The following PRKN variants were observed in gnomAD, a reference collection of about 807,000 sequenced individuals.
PRKN encodes parkin RBR E3 ubiquitin protein ligase.
In PRKN, 56 loss-of-function variants were observed where a neutral mutation model predicts 59.5. That is an observed-to-expected ratio of 0.94 (90% CI 0.76 to 1.18). The LOEUF is 1.18. PRKN is among the 50% of genes most tolerant of loss of function. The probability of loss-of-function intolerance (pLI) is 0.00; values close to 1 mark genes in which losing one functional copy is unlikely to be tolerated. For missense variants in PRKN, 657 were observed against 596.4 expected (o/e 1.10, Z -1.06); for synonymous variants, 250 against 222.1 (o/e 1.13, Z -1.12).
In PRKN at chr6:161,423,556, T is replaced by G. The variant is rs187704576; in HGVS notation, c.1084-36679A>C. On this transcript the variant is annotated intron_variant, in intron 9 of 11. Coordinates refer to ENST00000366898, the MANE Select transcript of PRKN (RefSeq NM_004562.3). This position sits in a 1 kb window ranked among gnomAD's most constrained non-coding sequence, Gnocchi z 5.9. The stretch of plus-strand genomic sequence containing the variant: ...TTAAAATTCCTTGATTTGGGGCCAA[T>G]GACAAGCAAGACATTTACAGATTTA... 1.8e-4 allele frequency among the ~76,000 whole-genome samples: 28 copies of G among 152,288 alleles called. No homozygotes were observed. In the East Asian group the frequency reaches 5.0e-3, roughly 27 times the overall value.
intron 1 of PRKN, among the ~76,000 whole-genome samples, chr6:162,503,163 G>A (rs1346045017): frequency 2.3e-5 from 1 of 42,880 alleles, no homozygotes. Flanking sequence ...TTTTTTTGTT[G>A]GCCGGGGGGT....
chr6:162,064,476 C>G (rs1051899120), intron 4 of PRKN, among the ~76,000 whole-genome samples: 1 of 152,182 alleles, frequency 6.6e-6, no homozygotes, highest in African/African-American at 2.4e-5. Flanking sequence ...AAACAATAGT[C>G]TGTGATTTCT....
At chr6:162,164,358 G>A (rs1248940919) in intron 4 of PRKN, among the ~76,000 whole-genome samples, 1 of 148,316 alleles carries the variant, frequency 6.7e-6, no homozygotes, top group Non-Finnish European at 1.5e-5. Context: ...ACAGGTCTGC[G>A]CTACCATGCC....
At chr6:162,362,992 G>A (rs757107893) in intron 2 of PRKN, among the ~76,000 whole-genome samples, 3 of 151,596 alleles carry the variant, frequency 2.0e-5, no homozygotes, top group Non-Finnish European at 4.4e-5. Flanking sequence ...GCCAGGCGTC[G>A]TGGTGGGCGC....
At chr6:162,691,466 G>T (rs1777771563) in intron 1 of PRKN, among the ~76,000 whole-genome samples, 1 of 151,948 alleles carries the variant, frequency 6.6e-6, no homozygotes, top group South Asian at 2.1e-4. Context: ...TTACCATCAA[G>T]ATTTCAAAAT....
At chr6:162,059,719 A>T (rs188724062) in intron 4 of PRKN, among the ~76,000 whole-genome samples, 23 of 152,298 alleles carry the variant, frequency 1.5e-4, no homozygotes, top group African/African-American at 5.3e-4. Context: ...TAATAGGAAA[A>T]ATTTGGCTGG....
At chr6:162,705,853 A>G (rs891842037) in intron 1 of PRKN, among the ~76,000 whole-genome samples, 3 of 152,150 alleles carry the variant, frequency 2.0e-5, no homozygotes, top group Non-Finnish European at 4.4e-5. Flanking sequence ...TAAGGTACTT[A>G]GAGGTAAACT....
chr6:162,138,324 T>A (rs1781632137), intron 4 of PRKN, among the ~76,000 whole-genome samples: 1 of 152,210 alleles, frequency 6.6e-6, no homozygotes, highest in African/African-American at 2.4e-5. Context: ...GTCATCATGG[T>A]GGGGCTAAAT....
chr6:162,208,656 T>G (rs944862007), intron 3 of PRKN, among the ~76,000 whole-genome samples: 1 of 151,994 alleles, frequency 6.6e-6, no homozygotes, highest in Non-Finnish European at 1.5e-5. Context: ...AAAGAGTAAA[T>G]GTAGTTGCTT....
intron 7 of PRKN, among the ~76,000 whole-genome samples, chr6:161,702,472 T>TATA (rs1334112379): frequency 1.3e-5 from 2 of 151,980 alleles, no homozygotes; most frequent in East Asian, 3.9e-4. Context: ...ATTCCACCTA[T>TATA]ATAAGGTCCT....
intron 7 of PRKN, among the ~76,000 whole-genome samples, chr6:161,678,660 G>T (rs1325675262): frequency 1.3e-5 from 2 of 150,002 alleles, no homozygotes; most frequent in African/African-American, 2.5e-5. Flanking sequence ...CACCTCCCGG[G>T]TTCAAGCAAT....
chr6:161,843,181 A>G (rs1344890210), intron 6 of PRKN, among the ~76,000 whole-genome samples: 1 of 152,102 alleles, frequency 6.6e-6, no homozygotes, highest in Non-Finnish European at 1.5e-5. Flanking sequence ...GAAGGCCCCA[A>G]ACCAAACTCT....
Position 161,545,596 on chromosome 6 carries a change from G to T in PRKN, c.1083+3258C>A, listed in dbSNP as rs1198475020. 6.6e-6 allele frequency among the ~76,000 whole-genome samples: 1 copy of T among 152,134 alleles called. No individual in the cohort carries two copies. The highest frequency in any genetic ancestry group is 1.5e-5 in the Non-Finnish European group (1 of 68,024). On this transcript the variant is annotated intron_variant, in intron 9 of 11. Coordinates refer to ENST00000366898, the MANE Select transcript of PRKN (RefSeq NM_004562.3). This position sits in a 1 kb window ranked among gnomAD's most constrained non-coding sequence, Gnocchi z 4.1. ...CCAGAAAAGATGGGCAGCTTACAAG[G>T]TTATACAAACCACAGCAAAACAACA...
rs1788508580 is a variant in PRKN at position 161,428,737 on chromosome 6, T to G, written c.1084-41860A>C. ...ATTCACATTTTTTTTCTTTCATTTT[T>G]CTGCCTGAGTACCTCTACCTTGGAA... On this transcript the variant is annotated intron_variant, in intron 9 of 11. Coordinates refer to ENST00000366898, the MANE Select transcript of PRKN (RefSeq NM_004562.3). The surrounding 1 kb of genome is among the most constrained non-coding windows in gnomAD (Gnocchi z 4.0). Among the ~76,000 whole-genome samples the G allele has an allele frequency of 2.0e-5, 3 of 152,232 alleles. No homozygotes were observed. Among genetic ancestry groups the G allele is most frequent in the Non-Finnish European group, 4.4e-5 (3 of 68,042 alleles).
rs997486945 is a variant in PRKN, at chr6:161,681,117, C to T, written c.871+104655G>A. On this transcript the variant is annotated intron_variant, in intron 7 of 11. Transcript: ENST00000366898. ...CTGGAATTACAGGCACCTGCCACCACGCCCAGTGAATTTTTGTATTTTGAG... is the reference window on the plus strand; with the variant it reads ...CTGGAATTACAGGCACCTGCCACCATGCCCAGTGAATTTTTGTATTTTGAG... Among the ~76,000 whole-genome samples, 6 of 151,970 alleles carry T rather than the reference C, an allele frequency of 3.9e-5. No individual in the cohort carries two copies. The South Asian group carries it at 6.2e-4, about 16-fold the overall frequency.
chr6:161,862,888 G>A (rs1253912133), intron 6 of PRKN, among the ~76,000 whole-genome samples: 2 of 152,190 alleles, frequency 1.3e-5, no homozygotes, highest in Non-Finnish European at 2.9e-5. Flanking sequence ...AGACTATGAT[G>A]TCAGAGGTAC....
chr6:162,009,126 C>T (rs902520987), intron 5 of PRKN, among the ~76,000 whole-genome samples: 1 of 151,588 alleles, frequency 6.6e-6, no homozygotes, highest in African/African-American at 2.4e-5. Flanking sequence ...GGTGGTGTGA[C>T]CCTGTAATCC....
intron 1 of PRKN, among the ~76,000 whole-genome samples, chr6:162,656,757 C>G (rs916009095): frequency 6.6e-6 from 1 of 152,170 alleles, no homozygotes; most frequent in African/African-American, 2.4e-5. Context: ...ATCTTGAACA[C>G]AGACCTTTAT....
intron 6 of PRKN, among the ~76,000 whole-genome samples, chr6:161,895,674 C>T (rs962822222): frequency 7.0e-6 from 1 of 143,516 alleles, no homozygotes; most frequent in African/African-American, 2.8e-5. Context: ...CCCACCCCTC[C>T]TGCTGTTATG....
Sources: allele counts gnomAD v4.1 joint callset (sites outside exome capture counted in the v4.1 genomes callset), GRCh38; gene constraint gnomAD v4.1.1; non-coding constraint Gnocchi (gnomAD v3.1); transcripts MANE v1.5; gene names NCBI Gene and HGNC (gene_info 2026-07-23, HGNC 2026-07-21).